The following ARMH3 variants were observed in gnomAD, a reference collection of about 807,000 sequenced individuals.
The protein encoded by ARMH3 is armadillo like helical domain containing 3.
Under a neutral mutation model 99.1 loss-of-function variants are expected in ARMH3, and 60 were observed. That is an observed-to-expected ratio of 0.61 (90% CI 0.49 to 0.75). The LOEUF is 0.75. Among genes scored for constraint, ARMH3 ranks in the 30% least tolerant of loss-of-function variants. The pLI is 0.00. For synonymous variants in ARMH3, 285 were observed against 292.8 expected, an observed-to-expected ratio of 0.97 and a Z score of 0.27; for missense variants, 679 against 843.1, an observed-to-expected ratio of 0.81 and a Z score of 2.41.
At chr10:102,007,159 CAAAAA>C (rs10639768) in intron 13 of ARMH3, among the ~76,000 whole-genome samples, 1 of 60,054 alleles carries the variant, frequency 1.7e-5, no homozygotes, top group African/African-American at 7.1e-5. Context: ...GACTCTATCT[CAAAAA>C]AAAAAAAAAA....
At chr10:101,955,976 G>A (rs1007251217) in intron 22 of ARMH3, among the ~76,000 whole-genome samples, 1 of 152,186 alleles carries the variant, frequency 6.6e-6, no homozygotes, top group Non-Finnish European at 1.5e-5. Context: ...CTGAGTGGCT[G>A]TTTCTGTGCA....
At chr10:101,958,740 T>A (rs1401974472) in intron 20 of ARMH3, among the ~76,000 whole-genome samples, 1 of 152,126 alleles carries the variant, frequency 6.6e-6, no homozygotes, top group African/African-American at 2.4e-5. Flanking sequence ...AGAAGTTCAT[T>A]CTCCCATGCT....
chr10:101,871,715 A>G (rs1384169996), intron 24 of ARMH3, among the ~76,000 whole-genome samples: 1 of 152,262 alleles, frequency 6.6e-6, no homozygotes, highest in East Asian at 1.9e-4. Context: ...AGAAAATACA[A>G]CGAGGCCGGG....
chr10:101,944,257 TATATATATATATATATAGAGAGAGAGAG>T (rs1364553770), intron 22 of ARMH3, among the ~76,000 whole-genome samples: 50 of 62,120 alleles, frequency 8.0e-4, no homozygotes, highest in South Asian at 3.6e-3. Context: ...TATATATATA[TATATATATATATATATAGAGAGAGAGAG>T]AGAGAGAGAG....
At chr10:101,928,424 A>C (rs1843589226) in intron 23 of ARMH3, among the ~76,000 whole-genome samples, 1 of 152,254 alleles carries the variant, frequency 6.6e-6, no homozygotes, top group South Asian at 2.1e-4. Context: ...TGGGAGCAAT[A>C]TTCTAGAAAT....
rs527803353 is a variant in ARMH3, at chr10:102,000,519, G to A, written c.1150+1452C>T. ...CACACCTGTAATCCCAGTACTTTGGGAGGCCAAGGCGGGCAGATCACTTGA... is the reference window on the plus strand; with the variant it reads ...CACACCTGTAATCCCAGTACTTTGGAAGGCCAAGGCGGGCAGATCACTTGA... On this transcript the variant is annotated intron_variant, in intron 15 of 25. Coordinates refer to ENST00000370033, the MANE Select transcript of ARMH3 (RefSeq NM_024541.3). 4.6e-5 allele frequency among the ~76,000 whole-genome samples: 7 copies of A among 151,688 alleles called. No homozygotes were observed. The East Asian group carries it at 1.4e-3, about 30-fold the overall frequency.
intron 20 of ARMH3, among the ~76,000 whole-genome samples, chr10:101,965,204 A>T (rs1284272248): frequency 6.6e-6 from 1 of 152,230 alleles, no homozygotes; most frequent in Non-Finnish European, 1.5e-5. Flanking sequence ...AAAGAAAAAC[A>T]AAAGGTCAAT....
At chr10:101,955,143 C>T (rs564439459) in intron 22 of ARMH3, among the ~76,000 whole-genome samples, 12 of 152,212 alleles carry the variant, frequency 7.9e-5, no homozygotes, top group African/African-American at 2.6e-4. Flanking sequence ...ATCTAGCCAA[C>T]GTGAAGTCTA....
chr10:101,968,205 C>G (rs570548627), intron 20 of ARMH3, among the ~76,000 whole-genome samples: 1 of 152,226 alleles, frequency 6.6e-6, no homozygotes, highest in African/African-American at 2.4e-5. Flanking sequence ...GGTCCCTGTG[C>G]AGCTGCCTCT....
At chr10:101,964,595 T>C (rs1025781675) in intron 20 of ARMH3, among the ~76,000 whole-genome samples, 3 of 152,228 alleles carry the variant, frequency 2.0e-5, no homozygotes, top group African/African-American at 7.2e-5. Flanking sequence ...TTGAAGATAT[T>C]ATTCTAAGTG....
chr10:101,897,280 G>A (rs548747608), intron 23 of ARMH3, among the ~76,000 whole-genome samples: 1 of 152,280 alleles, frequency 6.6e-6, no homozygotes, highest in South Asian at 2.1e-4. Flanking sequence ...AAGACAGCAG[G>A]TACCAAATTT....
chr10:101,976,640 T>C (rs1475383457), intron 19 of ARMH3, among the ~76,000 whole-genome samples: 1 of 152,144 alleles, frequency 6.6e-6, no homozygotes, highest in Non-Finnish European at 1.5e-5. Flanking sequence ...GTAAAGACCT[T>C]AACTCTCTGT....
chr10:101,969,226 C>G (rs1174757809), intron 20 of ARMH3, among the ~76,000 whole-genome samples: 3 of 152,096 alleles, frequency 2.0e-5, no homozygotes, highest in Non-Finnish European at 4.4e-5. Context: ...CTGGAGGAAG[C>G]TGGGTGAAGG....
chr10:102,021,780 T>G (rs2066891323), intron 8 of ARMH3, among the ~76,000 whole-genome samples: 1 of 151,608 alleles, frequency 6.6e-6, no homozygotes, highest in Non-Finnish European at 1.5e-5. Context: ...TCTCCCAACC[T>G]CGTGATCCAC....
intron 23 of ARMH3, among the ~76,000 whole-genome samples, chr10:101,933,947 T>C (rs2135683562): frequency 6.6e-6 from 1 of 152,370 alleles, no homozygotes; most frequent in East Asian, 1.9e-4. Flanking sequence ...CTCTCATTGG[T>C]AACCATTTTG....
chr10:101,854,183 A>C (rs2066678698), intron 24 of ARMH3, among the ~76,000 whole-genome samples: 1 of 152,096 alleles, frequency 6.6e-6, no homozygotes, highest in South Asian at 2.1e-4. Flanking sequence ...CAATTCACCT[A>C]GCCTCTTGTT....
At chr10:102,038,089 CTTTTTTTTT>C (rs949920845) in intron 2 of ARMH3, among the ~76,000 whole-genome samples, 1 of 113,314 alleles carries the variant, frequency 8.8e-6, no homozygotes, top group East Asian at 2.5e-4. Context: ...AGAAAGAATC[CTTTTTTTTT>C]TTTTTTTTTT....
intron 24 of ARMH3, among the ~76,000 whole-genome samples, chr10:101,870,513 G>A: frequency 6.6e-6 from 1 of 152,134 alleles, no homozygotes; most frequent in East Asian, 1.9e-4. Context: ...GAATTTAGGT[G>A]AGGGTTATGT....
intron 24 of ARMH3, among the ~76,000 whole-genome samples, chr10:101,871,712 A>G (rs1226728617): frequency 6.6e-6 from 1 of 152,188 alleles, no homozygotes; most frequent in Non-Finnish European, 1.5e-5. Context: ...AGAAGAAAAT[A>G]CAACGAGGCC....
Sources: gnomAD v4.1 joint callset for allele counts (sites outside exome capture counted in the v4.1 genomes callset) on GRCh38, gnomAD v4.1.1 for gene constraint, MANE v1.5 for transcripts, NCBI Gene and HGNC (gene_info 2026-07-23, HGNC 2026-07-21) for gene names.